HNMT: variants seen among roughly 807,000 people sequenced by gnomAD.
HNMT encodes the protein histamine N-methyltransferase.
A neutral mutation model predicts 32.1 loss-of-function variants in HNMT; 30 were observed. The ratio of observed to expected loss-of-function variants is 0.93; its 90% CI spans 0.70 to 1.27. The LOEUF is 1.27. HNMT is among the 50% of genes most tolerant of loss of function. HNMT has a pLI of 0.00. For missense variants in HNMT, 327 were observed against 346.0 expected (o/e 0.95, Z 0.43); for synonymous variants, 125 against 119.0 (o/e 1.05, Z -0.33).
intron 2 of HNMT, among the ~76,000 whole-genome samples, chr2:137,995,084 C>A (rs1251944972): frequency 2.0e-5 from 3 of 152,134 alleles, no homozygotes; most frequent in East Asian, 1.9e-4. Context: ...CAAGTTGACA[C>A]CCTAACATCA....
chr2:137,979,650 A>G (rs1320359037), intron 2 of HNMT, among the ~76,000 whole-genome samples: 1 of 152,154 alleles, frequency 6.6e-6, no homozygotes, highest in East Asian at 1.9e-4. Flanking sequence ...ACTACAAATA[A>G]CACATTAAAA....
chr2:138,004,012 C>T (rs1490545875), intron 4 of HNMT, among the ~76,000 whole-genome samples: 1 of 152,010 alleles, frequency 6.6e-6, no homozygotes, highest in Non-Finnish European at 1.5e-5. Context: ...TGTCTATGCC[C>T]CATTTTTCTG....
chr2:137,983,955 G>A (rs1019442616), intron 2 of HNMT, among the ~76,000 whole-genome samples: 28 of 152,134 alleles, frequency 1.8e-4, no homozygotes, highest in African/African-American at 6.5e-4. Flanking sequence ...AGATGTCGAG[G>A]TGACCTATTC....
chr2:137,976,789 ATAAAG>A (rs1342016750), intron 2 of HNMT, among the ~76,000 whole-genome samples: 3 of 152,244 alleles, frequency 2.0e-5, no homozygotes, highest in African/African-American at 7.2e-5. Context: ...TGATTAAAAA[ATAAAG>A]TATTCTTCAT....
intron 1 of HNMT, among the ~76,000 whole-genome samples, chr2:137,965,658 C>T (rs1260085977): frequency 2.0e-5 from 3 of 152,058 alleles, no homozygotes; most frequent in Non-Finnish European, 4.4e-5. Context: ...AACATCAAAG[C>T]AAATAGCAAA....
chr2:137,981,637 T>A (rs1680503323), intron 2 of HNMT: 2 of 479,588 alleles, frequency 4.2e-6, no homozygotes, highest in Admixed American at 3.4e-5. Context: ...ATAACTTCAC[T>A]TTCTTGAGTA....
At chr2:137,981,419 C>T in intron 2 of HNMT, 1 of 1,526,506 alleles carries the variant, frequency 6.6e-7, no homozygotes, top group African/African-American at 1.4e-5. Flanking sequence ...GTCATCTTTT[C>T]CATGAAGCCT....
chr2:137,991,066 C>T (rs1244655300), intron 2 of HNMT, among the ~76,000 whole-genome samples: 1 of 152,142 alleles, frequency 6.6e-6, no homozygotes, highest in Admixed American at 6.5e-5. Flanking sequence ...TCACAGAACT[C>T]AGGGAAACTG....
At chr2:138,004,919 G>T (rs1482399392) in intron 4 of HNMT, among the ~76,000 whole-genome samples, 1 of 152,016 alleles carries the variant, frequency 6.6e-6, no homozygotes, top group Admixed American at 6.6e-5. Context: ...GACTCTAGTC[G>T]AACAAATACC....
chr2:138,003,978 A>C (rs1456863509), intron 4 of HNMT, among the ~76,000 whole-genome samples: 3 of 151,826 alleles, frequency 2.0e-5, no homozygotes, highest in Non-Finnish European at 4.4e-5. Context: ...CTGAATCTCT[A>C]TCCTGTTCCT....
chr2:137,986,884 T>C (rs1680666826), intron 2 of HNMT, among the ~76,000 whole-genome samples: 1 of 152,212 alleles, frequency 6.6e-6, no homozygotes, highest in Non-Finnish European at 1.5e-5. Context: ...TGATACATAC[T>C]TGGATTTGCC....
chr2:137,981,443 G>A, intron 2 of HNMT: 1 of 1,364,904 alleles, frequency 7.3e-7, no homozygotes, highest in Non-Finnish European at 1.0e-6. Flanking sequence ...AGATCACACA[G>A]TTGAAAATTG....
chr2:137,984,990 T>G (rs1228717884), intron 2 of HNMT, among the ~76,000 whole-genome samples: 3 of 152,166 alleles, frequency 2.0e-5, no homozygotes, highest in African/African-American at 7.2e-5. Context: ...CATTATGTGA[T>G]TAATAAAACA....
chr2:138,014,853 A>G lies in HNMT; in HGVS notation c.*723A>G, dbSNP rs545798347. ...AATACTAACATTTTATCAAAATAAT[A>G]TTATAGTTTTGCTTTTTTTAAAAAA... On this transcript the variant is annotated 3_prime_UTR_variant, in exon 6 of 6. Coordinates refer to ENST00000280097, the MANE Select transcript of HNMT (RefSeq NM_006895.3). 6.6e-6 allele frequency: 1 copy of G among 152,110 alleles called. No homozygotes were observed. Among genetic ancestry groups the G allele is most frequent in the South Asian group, 2.1e-4 (1 of 4,824 alleles). 9.4% of individuals were successfully genotyped at this position (152,110 alleles called of 1,614,324 possible).
chr2:137,988,919 G>T (rs1003316043), intron 2 of HNMT, among the ~76,000 whole-genome samples: 6 of 152,146 alleles, frequency 3.9e-5, no homozygotes, highest in African/African-American at 1.4e-4. Flanking sequence ...TTATTTTAAA[G>T]AAAGGTTTTT....
Position 137,992,166 on chromosome 2 carries a change from C to T in HNMT, c.191-8752C>T, listed in dbSNP as rs558582345. 5.3e-5 allele frequency among the ~76,000 whole-genome samples: 8 copies of T among 152,360 alleles called. No homozygotes were observed. The South Asian group carries it at 1.2e-3, about 24-fold the overall frequency. ...AGGAATGCACAGACTCTTAGCTTCT[C>T]GGTTGGAAGGAATCTGCTTAAGCCT... On this transcript the variant is annotated intron_variant, in intron 2 of 5. Coordinates refer to ENST00000280097, the MANE Select transcript of HNMT (RefSeq NM_006895.3).
At chr2:138,010,441 G>GCACA (rs56391028) in intron 5 of HNMT, among the ~76,000 whole-genome samples, 14,020 of 125,440 alleles carry the variant, frequency 0.11, 799 homozygotes, top group South Asian at 0.16. Context: ...AAAGACACAC[G>GCACA]CACACACACA....
intron 2 of HNMT, among the ~76,000 whole-genome samples, chr2:137,999,582 G>C (rs1480062271): frequency 6.6e-6 from 1 of 152,092 alleles, no homozygotes; most frequent in Non-Finnish European, 1.5e-5. Flanking sequence ...TTCCTGCTAT[G>C]TGCAGCCTTG....
chr2:138,002,316 A>C, intron 4 of HNMT, 122 bp downstream of exon 4: 2 of 1,118,160 alleles, frequency 1.8e-6, no homozygotes, highest in Non-Finnish European at 2.3e-6. Flanking sequence ...CTAATTTTAC[A>C]AGTGACCATG....
Sources: allele counts gnomAD v4.1 joint callset (sites outside exome capture counted in the v4.1 genomes callset), GRCh38; gene constraint gnomAD v4.1.1; transcripts MANE v1.5; gene names NCBI Gene and HGNC (gene_info 2026-07-23, HGNC 2026-07-21).